SCLT1: variants seen among roughly 807,000 people sequenced by gnomAD.
The protein encoded by SCLT1 is sodium channel and clathrin linker 1.
SCLT1 carries 78 observed loss-of-function variants against 112.8 expected under a neutral mutation model. The observed-to-expected ratio is 0.69, with a 90% confidence interval of 0.58 to 0.83. The LOEUF is 0.83. Ranked by LOEUF, SCLT1 falls within the 40% of genes least tolerant of loss-of-function variation. SCLT1 has a pLI of 0.00. For synonymous variants in SCLT1, 257 were observed against 254.7 expected (o/e 1.01, Z -0.09); for missense variants, 747 against 770.4 (o/e 0.97, Z 0.36).
chr4:128,961,828 G>A (rs1261684844), intron 11 of SCLT1, among the ~76,000 whole-genome samples: 2 of 152,208 alleles, frequency 1.3e-5, no homozygotes, highest in Admixed American at 6.5e-5. Context: ...TTAAACAACA[G>A]GCTCATATGA....
intron 7 of SCLT1, among the ~76,000 whole-genome samples, chr4:128,998,852 T>G (rs1277133226): frequency 2.0e-5 from 3 of 151,904 alleles, no homozygotes; most frequent in African/African-American, 7.2e-5. Context: ...GAATATTCAT[T>G]AACCAGAATT....
chr4:128,982,685 A>G (rs915828408), intron 9 of SCLT1, among the ~76,000 whole-genome samples: 1 of 151,972 alleles, frequency 6.6e-6, no homozygotes. Context: ...TATTTTTAGA[A>G]GAGACGGGGT....
At chr4:128,905,916 T>C (rs1734657429) in intron 18 of SCLT1, among the ~76,000 whole-genome samples, 1 of 152,086 alleles carries the variant, frequency 6.6e-6, no homozygotes, top group African/African-American at 2.4e-5. Context: ...ACATCTTAAA[T>C]TGTTTATTTG....
At position 128,946,162 on chromosome 4, in the gene SCLT1, A is replaced by C. The variant is rs1050276429; in HGVS notation, c.1294-10T>G. 1.3e-6 allele frequency: 2 copies of C among 1,576,122 alleles called. No individual in the cohort carries two copies. Among genetic ancestry groups the C allele is most frequent in the Admixed American group, 1.7e-5 (1 of 59,394 alleles). On this transcript the variant is annotated splice_polypyrimidine_tract_variant and intron_variant, in intron 15 of 20. Coordinates refer to ENST00000281142, the MANE Select transcript of SCLT1 (RefSeq NM_144643.4). ...TGCCTTCACGGTAAATCTGCAGAAA[A>C]GGCTTATTAGGTATATAATATTACA...
At chr4:128,886,883 A>T (rs138592569) in intron 20 of SCLT1, among the ~76,000 whole-genome samples, 1 of 152,312 alleles carries the variant, frequency 6.6e-6, no homozygotes, top group African/African-American at 2.4e-5. Context: ...AACTCAAGGT[A>T]GTTGATTTTC....
intron 5 of SCLT1, among the ~76,000 whole-genome samples, chr4:129,038,453 T>G (rs1237374093): frequency 6.6e-6 from 1 of 152,202 alleles, no homozygotes; most frequent in Non-Finnish European, 1.5e-5. Flanking sequence ...GATACCGTTT[T>G]TATACAGTCT....
intron 11 of SCLT1, among the ~76,000 whole-genome samples, chr4:128,961,095 A>G (rs940628839): frequency 6.6e-5 from 10 of 151,962 alleles, no homozygotes; most frequent in African/African-American, 1.9e-4. Flanking sequence ...GCTAAATTTG[A>G]CTATTTTTTT....
rs575651563 is a variant in SCLT1 at position 129,065,145 on chromosome 4, T to C, written c.102+17161A>G. ...TTTTTTCTTTTGTACATTTTGAAGC[T>C]TGAAGTTGGGTATAGAAGTATCAAA... On this transcript the variant is annotated intron_variant, in intron 2 of 20. Coordinates refer to ENST00000281142, the MANE Select transcript of SCLT1 (RefSeq NM_144643.4). Among the ~76,000 whole-genome samples, 11 of 152,196 alleles carry C rather than the reference T, an allele frequency of 7.2e-5. No individual in the cohort carries two copies. In the East Asian group the frequency reaches 7.7e-4, roughly 11 times the overall value.
intron 8 of SCLT1, among the ~76,000 whole-genome samples, chr4:128,992,492 C>T (rs569810740): frequency 1.3e-5 from 2 of 151,992 alleles, no homozygotes; most frequent in African/African-American, 4.8e-5. Flanking sequence ...CTCTTTTGCT[C>T]ATCTATCCAC....
At position 129,003,866 on chromosome 4, in the gene SCLT1, C is replaced by T. The variant is rs1743757443; in HGVS notation, c.301G>A (p.Glu101Lys). ...TTTTTTTCAACAGCATCTTTTAATT[C>T]ACTGTGCAACCTTTGAAACAAATAG... Reference protein sequence around the residue: ...VIKENERLHSELKDAVEKKLE... With the variant: ...VIKENERLHSKLKDAVEKKLE... The change falls in exon 6 of 21, where the codon GAA becomes AAA. Residue 101 changes from glutamate (E) to lysine (K), a missense_variant. By Grantham distance (56) the Glu-to-Lys change is moderately conservative. This residue lies in a region of SCLT1 where 723 missense variants were observed against 721.3 expected (regional missense o/e 1.00). Coordinates refer to ENST00000281142, the MANE Select transcript of SCLT1 (RefSeq NM_144643.4). 1 of 1,611,510 alleles carries T rather than the reference C, an allele frequency of 6.2e-7. No homozygotes were observed. Among genetic ancestry groups the T allele is most frequent in the Non-Finnish European group, 8.5e-7 (1 of 1,178,870 alleles).
At chr4:128,976,861 T>C (rs1445165954) in intron 9 of SCLT1, among the ~76,000 whole-genome samples, 1 of 152,052 alleles carries the variant, frequency 6.6e-6, no homozygotes. Flanking sequence ...AGGGCTTATT[T>C]AGGGAAGATG....
At chr4:128,916,006 G>A (rs318546) in intron 18 of SCLT1, among the ~76,000 whole-genome samples, 116,427 of 152,238 alleles carry the variant, frequency 0.76, 45,533 homozygotes, top group African/African-American at 0.94. Context: ...AATGCTTGGA[G>A]AAGAATGGTC....
At chr4:128,883,157 C>CAAAAAAAAAAAAAAAAAA (rs34993678), downstream of SCLT1, among the ~76,000 whole-genome samples, 3 of 57,694 alleles carry the variant, frequency 5.2e-5, no homozygotes, top group African/African-American at 1.0e-4. Context: ...ACAACAACAA[C>CAAAAAAAAAAAAAAAAAA]AAAAAAAAAA....
At chr4:129,088,982 A>G (rs906265849) in intron 1 of SCLT1, among the ~76,000 whole-genome samples, 1 of 152,210 alleles carries the variant, frequency 6.6e-6, no homozygotes, top group Non-Finnish European at 1.5e-5. Flanking sequence ...GCAATGGCAA[A>G]AAAAGCCAAA....
At chr4:128,935,630 A>G (rs1737122058) in intron 18 of SCLT1, among the ~76,000 whole-genome samples, 1 of 152,124 alleles carries the variant, frequency 6.6e-6, no homozygotes, top group East Asian at 1.9e-4. Context: ...AAATGCACAC[A>G]TTAAGTGTTC....
chr4:128,959,961 A>G (rs1739541272), intron 11 of SCLT1, among the ~76,000 whole-genome samples, 184 bp from the exon 12 acceptor site: 1 of 152,182 alleles, frequency 6.6e-6, no homozygotes, highest in Non-Finnish European at 1.5e-5. Context: ...TTCATTTTAA[A>G]GAACAACAAA....
Position 128,942,988 on chromosome 4 carries a change from G to A in SCLT1, c.1632+8C>T, listed in dbSNP as rs1317944033. On this transcript the variant is annotated splice_region_variant and intron_variant, in intron 17 of 20. Transcript: ENST00000281142. ...TAAGTACACATTTAACTCTAGTCTT[G>A]AAAATACCTTTACTTTGGCTTTTTT... The A allele has an allele frequency of 6.3e-7, 1 of 1,592,222 alleles. No homozygotes were observed. Among genetic ancestry groups the A allele is most frequent in the Non-Finnish European group, 8.6e-7 (1 of 1,167,030 alleles).
chr4:128,943,256 C>G, intron 16 of SCLT1, 68 bp from the exon 17 acceptor site: 1 of 1,124,080 alleles, frequency 8.9e-7, no homozygotes, highest in East Asian at 2.6e-5. Context: ...AAAAGTCTGT[C>G]TACATTTTAT....
At chr4:129,024,539 A>C (rs1745830355) in intron 5 of SCLT1, among the ~76,000 whole-genome samples, 1 of 152,048 alleles carries the variant, frequency 6.6e-6, no homozygotes, top group Non-Finnish European at 1.5e-5. Flanking sequence ...CACACCAAAA[A>C]CCCATCTGTA....
Sources: allele counts gnomAD v4.1 joint callset (sites outside exome capture counted in the v4.1 genomes callset), GRCh38; gene constraint gnomAD v4.1.1; regional missense constraint gnomAD v4.1.1; transcripts MANE v1.5; gene names NCBI Gene and HGNC (gene_info 2026-07-23, HGNC 2026-07-21).